CDKL3: variants seen among roughly 807,000 people sequenced by gnomAD.
The protein encoded by CDKL3 is cyclin-dependent kinase-like 3.
CDKL3 carries 65 observed loss-of-function variants against 69.3 expected under a neutral mutation model. That is an observed-to-expected ratio of 0.94 (90% CI 0.77 to 1.15). The LOEUF (loss-of-function observed/expected upper bound fraction) is 1.15, where lower values mean the gene tolerates loss of function less well. Among genes scored for constraint, CDKL3 ranks in the 50% most tolerant of loss-of-function variants. The pLI, the probability that CDKL3 is intolerant of heterozygous loss-of-function variation, is 0.00. For missense variants in CDKL3, 652 were observed against 689.2 expected, an observed-to-expected ratio of 0.95 and a Z score of 0.61; for synonymous variants, 202 against 221.6, an observed-to-expected ratio of 0.91 and a Z score of 0.79.
At chr5:134,305,293 TTTG>T (rs775158147) in intron 10 of CDKL3, among the ~76,000 whole-genome samples, 1 of 152,068 alleles carries the variant, frequency 6.6e-6, no homozygotes, top group Non-Finnish European at 1.5e-5. Flanking sequence ...TATTTCATTT[TTTG>T]TACAGACAGG....
chr5:134,345,496 A>G (rs1751635312), intron 4 of CDKL3, among the ~76,000 whole-genome samples: 1 of 152,290 alleles, frequency 6.6e-6, no homozygotes, highest in African/African-American at 2.4e-5. Context: ...ACCACCAAAC[A>G]TGCTTTGTGT....
At chr5:134,289,246 T>C (rs1202896690) in intron 8 of CDKL3, among the ~76,000 whole-genome samples, 1 of 151,498 alleles carries the variant, frequency 6.6e-6, no homozygotes, top group African/African-American at 2.4e-5. Flanking sequence ...ATAAATATTC[T>C]GATACCATCA....
intron 6 of CDKL3, among the ~76,000 whole-genome samples, chr5:134,314,293 T>TTAGA (rs1770412887): frequency 6.6e-6 from 1 of 152,202 alleles, no homozygotes; most frequent in Admixed American, 6.5e-5. Context: ...GGGCAGACAA[T>TTAGA]TAGAGGCAGT....
At chr5:134,335,287 C>A (rs186064118) in intron 4 of CDKL3, among the ~76,000 whole-genome samples, 2 of 152,026 alleles carry the variant, frequency 1.3e-5, no homozygotes, top group Non-Finnish European at 2.9e-5. Flanking sequence ...ATTTGCCAGT[C>A]TGTGTCTTTT....
downstream of CDKL3, among the ~76,000 whole-genome samples, chr5:134,296,522 G>A (rs1284662592): frequency 6.6e-6 from 1 of 152,152 alleles, no homozygotes; most frequent in African/African-American, 2.4e-5. Context: ...TTTGGAATGG[G>A]ACTTCAAGCA....
At chr5:134,312,441 T>G (rs2149457552) in intron 6 of CDKL3, 61 bp from the exon 7 acceptor site, 1 of 869,856 alleles carries the variant, frequency 1.1e-6, no homozygotes, top group South Asian at 1.7e-5. Flanking sequence ...TGGTAAAAAT[T>G]AAATTTATTT....
chr5:134,326,873 A>C (rs1774517284), intron 4 of CDKL3, among the ~76,000 whole-genome samples: 1 of 144,192 alleles, frequency 6.9e-6, no homozygotes, highest in Non-Finnish European at 1.5e-5. Context: ...ATATACACAC[A>C]CACACATAGT....
chr5:134,283,442 C>T (rs1044671936), downstream of CDKL3, among the ~76,000 whole-genome samples: 9 of 152,138 alleles, frequency 5.9e-5, no homozygotes, highest in East Asian at 3.9e-4. Context: ...TCACATCTTA[C>T]GTGGATGGCA....
chr5:134,298,555 G>A lies in CDKL3; in HGVS notation c.*96C>T. 6.6e-7 allele frequency: 1 copy of A among 1,506,356 alleles called. No homozygotes were observed. Among genetic ancestry groups the A allele is most frequent in the Non-Finnish European group, 8.8e-7 (1 of 1,130,860 alleles). The allele number at this position is 1,506,356 out of a possible 1,614,324, so 93.3% of individuals were successfully genotyped here. On this transcript the variant is annotated 3_prime_UTR_variant, in exon 13 of 13. Coordinates refer to ENST00000265334, the MANE Select transcript of CDKL3 (RefSeq NM_001113575.2). ...ATGATGCTCATGCACATGGATGGCT[G>A]TCTTAACAACAACTCACATCACACT...
At chr5:134,302,046 G>A (rs1210771323) in intron 12 of CDKL3, 2 of 434,724 alleles carry the variant, frequency 4.6e-6, no homozygotes, top group Admixed American at 2.6e-5. Flanking sequence ...TCTTTATAGA[G>A]CATTCATTTG....
intron 9 of CDKL3, 47 bp downstream of exon 9, chr5:134,308,091 A>T: frequency 6.5e-7 from 1 of 1,537,728 alleles, no homozygotes; most frequent in Non-Finnish European, 8.8e-7. Flanking sequence ...AAATACCATT[A>T]TACAGGAATG....
chr5:134,323,955 A>G (rs1335318076), intron 4 of CDKL3, among the ~76,000 whole-genome samples: 2 of 152,224 alleles, frequency 1.3e-5, no homozygotes, highest in African/African-American at 4.8e-5. Context: ...TATTTGCAAA[A>G]TAATAAAGAA....
chr5:134,307,393 T>C (rs926103124), intron 9 of CDKL3, among the ~76,000 whole-genome samples: 4 of 152,220 alleles, frequency 2.6e-5, no homozygotes, highest in Admixed American at 2.0e-4. Flanking sequence ...CAAGAACAAC[T>C]AGGCTCTTGC....
intron 3 of CDKL3, among the ~76,000 whole-genome samples, chr5:134,354,953 A>G (rs1754211754): frequency 6.6e-6 from 1 of 151,222 alleles, no homozygotes; most frequent in Non-Finnish European, 1.5e-5. Flanking sequence ...CTCAAAAAAA[A>G]AAAAATAGAT....
Position 134,302,188 on chromosome 5 carries a change from G to A in CDKL3, c.1719+402C>T, listed in dbSNP as rs1309851017. The A allele has an allele frequency of 1.8e-5, 8 of 456,604 alleles. No individual in the cohort carries two copies. In the East Asian group the frequency reaches 2.8e-4, roughly 16 times the overall value. The allele number at this position is 456,604 out of a possible 1,614,324, so 28.3% of individuals were successfully genotyped here. ...ATTTGTGAAAATAGGACAGCAGGCAGACAGCAGAGATAAGGGAATAAACTG... is the reference window on the plus strand; with the variant it reads ...ATTTGTGAAAATAGGACAGCAGGCAAACAGCAGAGATAAGGGAATAAACTG... On this transcript the variant is annotated intron_variant, in intron 12 of 12. Coordinates refer to ENST00000265334, the MANE Select transcript of CDKL3 (RefSeq NM_001113575.2).
intron 4 of CDKL3, among the ~76,000 whole-genome samples, chr5:134,348,776 C>T (rs1752544448): frequency 6.7e-6 from 1 of 149,250 alleles, no homozygotes; most frequent in African/African-American, 2.5e-5. Context: ...TGTCCAGAGG[C>T]AAAAAAGAAA....
intron 3 of CDKL3, among the ~76,000 whole-genome samples, chr5:134,354,309 T>C (rs976477557): frequency 3.3e-5 from 5 of 152,194 alleles, no homozygotes; most frequent in African/African-American, 1.2e-4. Flanking sequence ...AAAAATTTTA[T>C]CAAGTGAATT....
intron 6 of CDKL3, among the ~76,000 whole-genome samples, chr5:134,313,412 A>G (rs1241350918): frequency 6.6e-6 from 1 of 152,156 alleles, no homozygotes; most frequent in East Asian, 1.9e-4. Context: ...ACTACATACC[A>G]GACAACGCTC....
In CDKL3 at chr5:134,321,820, T is replaced by C. The variant is rs1412029450; in HGVS notation, c.623A>G (p.Asp208Gly). Residue 208 changes from aspartate (D) to glycine (G), a missense_variant, in exon 5 of 13, where the codon GAT becomes GGT. Asp to Gly is a moderately conservative substitution (Grantham distance 94). Transcript: ENST00000265334. Reference sequence around the variant, plus strand: ...TTTCAAAACAATTTTATGGAGTAAATCCAAATCAGAACTACTAGGAAGATA... The same window carrying C: ...TTTCAAAACAATTTTATGGAGTAAACCCAAATCAGAACTACTAGGAAGATA... ...NPYLPSSSDL[D>G]LLHKIVLKVG... The C allele has an allele frequency of 1.2e-6, 2 of 1,609,298 alleles. No individual in the cohort carries two copies. Among genetic ancestry groups the C allele is most frequent in the Non-Finnish European group, 1.7e-6 (2 of 1,176,376 alleles).
Sources: allele counts gnomAD v4.1 joint callset (sites outside exome capture counted in the v4.1 genomes callset), GRCh38; gene constraint gnomAD v4.1.1; transcripts MANE v1.5; gene names NCBI Gene and HGNC (gene_info 2026-07-23, HGNC 2026-07-21).